DAPP1: variants seen among roughly 807,000 people sequenced by gnomAD.
The protein encoded by DAPP1 is dual adapter for phosphotyrosine and 3-phosphotyrosine and 3-phosphoinositide.
DAPP1 carries 20 observed loss-of-function variants against 41.5 expected under a neutral mutation model. The observed-to-expected ratio is 0.48, with a 90% CI of 0.34 to 0.70. The LOEUF (loss-of-function observed/expected upper bound fraction) is 0.70. Among genes scored for constraint, DAPP1 ranks in the 30% least tolerant of loss-of-function variants. The probability of loss-of-function intolerance (pLI) is 0.01; values close to 1 mark genes in which losing one functional copy is unlikely to be tolerated. For synonymous variants in DAPP1, 113 were observed against 116.2 expected (o/e 0.97, Z 0.18); for missense variants, 233 against 333.4 (o/e 0.70, Z 2.35).
intron 8 of DAPP1, among the ~76,000 whole-genome samples, chr4:99,866,392 T>C (rs1035516186): frequency 3.9e-5 from 6 of 152,176 alleles, no homozygotes; most frequent in Admixed American, 3.9e-4. Flanking sequence ...CTATAAGGTG[T>C]GTCAGTTAGT....
intron 1 of DAPP1, among the ~76,000 whole-genome samples, chr4:99,822,286 T>C (rs1198376013): frequency 6.6e-6 from 1 of 152,188 alleles, no homozygotes; most frequent in Non-Finnish European, 1.5e-5. Flanking sequence ...TAGATCTATC[T>C]GTTGTATGAT....
chr4:99,851,527 T>C (rs1723859172), intron 3 of DAPP1, among the ~76,000 whole-genome samples: 2 of 149,226 alleles, frequency 1.3e-5, no homozygotes, highest in African/African-American at 4.9e-5. Flanking sequence ...AGGTTTTGTT[T>C]TGTGTAGTTT....
In DAPP1 at chr4:99,869,605, C is replaced by T. The variant is rs2110173260; in HGVS notation, c.*1420C>T. The T allele has an allele frequency of 6.6e-6, 1 of 152,202 alleles. No individual in the cohort carries two copies. The allele number at this position is 152,202 out of a possible 1,614,324, so 9.4% of individuals were successfully genotyped here. On this transcript the variant is annotated 3_prime_UTR_variant, in exon 9 of 9. Coordinates refer to ENST00000512369, the MANE Select transcript of DAPP1 (RefSeq NM_014395.3). ...GTATTATATAGGATAAAGCAAATGT[C>T]AAGTTAAAATGTATTGTGTTGTTTG...
intron 1 of DAPP1, among the ~76,000 whole-genome samples, chr4:99,827,906 C>T (rs1194988936): frequency 2.0e-5 from 3 of 152,162 alleles, no homozygotes; most frequent in Non-Finnish European, 4.4e-5. Context: ...ATTCTAAATG[C>T]TTTCAACTCT....
At chr4:99,848,055 G>C (rs1304433522) in intron 3 of DAPP1, among the ~76,000 whole-genome samples, 1 of 151,570 alleles carries the variant, frequency 6.6e-6, no homozygotes, top group Non-Finnish European at 1.5e-5. Flanking sequence ...CTCATGATCC[G>C]CCCCCTCGGC....
At chr4:99,852,938 C>T (rs561274582) in intron 3 of DAPP1, among the ~76,000 whole-genome samples, 14 of 152,246 alleles carry the variant, frequency 9.2e-5, no homozygotes, top group Non-Finnish European at 1.9e-4. Context: ...TTTGCTCACA[C>T]GGCTGCCATT....
rs1724537223 is a variant in DAPP1 at position 99,868,413 on chromosome 4, G to A, written c.*228G>A. 1 of 553,834 alleles carries A rather than the reference G, an allele frequency of 1.8e-6. No homozygotes were observed. Among genetic ancestry groups the A allele is most frequent in the Non-Finnish European group, 3.2e-6 (1 of 308,928 alleles). 34.3% of individuals were successfully genotyped at this position (553,834 alleles called of 1,614,324 possible). On this transcript the variant is annotated 3_prime_UTR_variant, in exon 9 of 9. Coordinates refer to ENST00000512369, the MANE Select transcript of DAPP1 (RefSeq NM_014395.3). Reference sequence around the variant, plus strand: ...CACTGAAGCAATCACCATTCTGATAGAAAGTGCTTAAACCACCACTCTTAG... The same window carrying A: ...CACTGAAGCAATCACCATTCTGATAAAAAGTGCTTAAACCACCACTCTTAG...
In DAPP1 at chr4:99,853,868, C is replaced by T. The variant is rs991863867; in HGVS notation, c.489+520C>T. Among the ~76,000 whole-genome samples the T allele has an allele frequency of 5.3e-5, 8 of 152,138 alleles. No homozygotes were observed. In the East Asian group the frequency reaches 7.7e-4, roughly 15 times the overall value. ...AATAGTAATAGGATTTTAAATACTT[C>T]GAAAATGGAACTTAAATCTCTGTCC... On this transcript the variant is annotated intron_variant, in intron 4 of 8. Transcript: ENST00000512369.
At chr4:99,830,753 A>G (rs539318465) in intron 1 of DAPP1, among the ~76,000 whole-genome samples, 2 of 152,176 alleles carry the variant, frequency 1.3e-5, no homozygotes, top group African/African-American at 2.4e-5. Context: ...GGAAAAAGCC[A>G]AACTCTCTCT....
At chr4:99,827,566 C>T (rs1310975305) in intron 1 of DAPP1, among the ~76,000 whole-genome samples, 1 of 144,248 alleles carries the variant, frequency 6.9e-6, no homozygotes, top group Admixed American at 6.9e-5. Flanking sequence ...AAACAAAAAA[C>T]ACCATCACAC....
chr4:99,830,279 A>C (rs1196963647), intron 1 of DAPP1, among the ~76,000 whole-genome samples: 1 of 152,174 alleles, frequency 6.6e-6, no homozygotes, highest in Non-Finnish European at 1.5e-5. Context: ...GCTACTAGGA[A>C]GGCTGAGGCA....
intron 3 of DAPP1, among the ~76,000 whole-genome samples, chr4:99,841,393 G>A (rs1396567068): frequency 6.6e-6 from 1 of 152,176 alleles, no homozygotes; most frequent in Admixed American, 6.5e-5. Flanking sequence ...CTAGAAAATA[G>A]TTGCTCTGCT....
rs916630325 is a variant in DAPP1, at chr4:99,869,297, A to T, written c.*1112A>T. 1.3e-5 allele frequency: 2 copies of T among 152,238 alleles called. No individual in the cohort carries two copies. The highest frequency in any genetic ancestry group is 4.8e-5 in the African/African-American group (2 of 41,474). The allele number at this position is 152,238 out of a possible 1,614,324, so 9.4% of individuals were successfully genotyped here. A position where few individuals can be genotyped will look rare whatever the true frequency, so the allele number is the denominator to read the frequency against. On this transcript the variant is annotated 3_prime_UTR_variant, in exon 9 of 9. Transcript: ENST00000512369. ...TTCAAACTAGAATAAGGAGGCAAAT[A>T]GAAGAATGAGATACTGATGTCCACA...
intron 1 of DAPP1, 109 bp from the exon 2 acceptor site, chr4:99,835,514 C>T (rs1014892267): frequency 2.7e-6 from 4 of 1,482,894 alleles, no homozygotes; most frequent in African/African-American, 2.8e-5. Context: ...GGTCTCTGGG[C>T]TACTTATCTT....
Position 99,846,598 on chromosome 4 carries a change from G to A in DAPP1, c.358+6176G>A, listed in dbSNP as rs112245336. Among the ~76,000 whole-genome samples, 114 of 152,224 alleles carry A rather than the reference G, an allele frequency of 7.5e-4. 1 individual carries two copies. The highest frequency in any genetic ancestry group is 2.6e-3 in the African/African-American group (107 of 41,540). On this transcript the variant is annotated intron_variant, in intron 3 of 8. Transcript: ENST00000512369. Reference sequence around the variant, plus strand: ...ATCAGATTCTATGCAAAAGCTGTACGTTCTTTGATAAATAATAAAGAATTA... The same window carrying A: ...ATCAGATTCTATGCAAAAGCTGTACATTCTTTGATAAATAATAAAGAATTA...
Position 99,835,638 on chromosome 4 carries a change from C to A in DAPP1, c.117C>A (p.Asn39Lys). Residue 39 changes from asparagine to lysine, a missense_variant, in exon 2 of 9, where the codon AAC becomes AAA. Transcript: ENST00000512369. ...TCCTTTCTAGGTGGTATCACGGCAA[C>A]CTCACACGCCATGCTGCTGAAGCTC... ...LLQDLGWYHGNLTRHAAEALL... is the reference protein window; with the variant it reads ...LLQDLGWYHGKLTRHAAEALL... The A allele has an allele frequency of 6.2e-7, 1 of 1,613,434 alleles. No individual in the cohort carries two copies. Among genetic ancestry groups the A allele is most frequent in the Non-Finnish European group, 8.5e-7 (1 of 1,179,832 alleles).
At chr4:99,844,941 A>C (rs1320069647) in intron 3 of DAPP1, among the ~76,000 whole-genome samples, 1 of 152,252 alleles carries the variant, frequency 6.6e-6, no homozygotes, top group Non-Finnish European at 1.5e-5. Flanking sequence ...AACTAGTGAC[A>C]ACTTAGAATT....
intron 1 of DAPP1, among the ~76,000 whole-genome samples, chr4:99,827,889 A>C (rs1722996300): frequency 6.6e-6 from 1 of 152,212 alleles, no homozygotes; most frequent in Non-Finnish European, 1.5e-5. Flanking sequence ...GAAAGAGAAG[A>C]AGGTGCATTC....
At chr4:99,853,678 G>T (rs918097862) in intron 4 of DAPP1, among the ~76,000 whole-genome samples, 2 of 152,104 alleles carry the variant, frequency 1.3e-5, no homozygotes, top group African/African-American at 4.8e-5. Context: ...TATTAGCTGG[G>T]CATGGTGGCA....
Sources: allele counts gnomAD v4.1 joint callset (sites outside exome capture counted in the v4.1 genomes callset), GRCh38; gene constraint gnomAD v4.1.1; transcripts MANE v1.5; gene names NCBI Gene and HGNC (gene_info 2026-07-23, HGNC 2026-07-21).